Variants in APBB2 observed in about 807,000 individuals in gnomAD.
The protein encoded by APBB2 is Fe65-like 1.
Under a neutral mutation model 82.5 loss-of-function variants are expected in APBB2, and 38 were observed. The observed-to-expected ratio is 0.46, with a 90% CI of 0.36 to 0.60. The LOEUF (loss-of-function observed/expected upper bound fraction) is 0.60. Among genes scored for constraint, APBB2 ranks in the 20% least tolerant of loss-of-function variants. APBB2 has a pLI of 0.00. For synonymous variants in APBB2, 341 were observed against 368.2 expected, an observed-to-expected ratio of 0.93 and a Z score of 0.85; for missense variants, 772 against 972.3, an observed-to-expected ratio of 0.79 and a Z score of 2.74.
intron 12 of APBB2, among the ~76,000 whole-genome samples, chr4:40,861,325 G>C (rs1372888157): frequency 6.6e-6 from 1 of 151,596 alleles, no homozygotes; most frequent in African/African-American, 2.4e-5. Context: ...ACTCCAGCCT[G>C]GGTAACAGAA....
At chr4:40,838,893 CA>C (rs1754917385) in intron 12 of APBB2, among the ~76,000 whole-genome samples, 1 of 152,218 alleles carries the variant, frequency 6.6e-6, no homozygotes, top group Non-Finnish European at 1.5e-5. Flanking sequence ...AAGGCATCTA[CA>C]GACCTCTTAG....
At chr4:41,104,292 A>T (rs908793462) in intron 2 of APBB2, among the ~76,000 whole-genome samples, 1 of 152,210 alleles carries the variant, frequency 6.6e-6, no homozygotes, top group African/African-American at 2.4e-5. Flanking sequence ...CTTGCCAAAA[A>T]CAGTGACTCT....
chr4:40,929,208 A>C (rs962787821), intron 10 of APBB2, among the ~76,000 whole-genome samples: 6 of 152,114 alleles, frequency 3.9e-5, no homozygotes, highest in African/African-American at 1.4e-4. Context: ...TTTACTTTTA[A>C]AGTGCATAGA....
At chr4:40,830,822 G>A (rs144666814) in intron 12 of APBB2, among the ~76,000 whole-genome samples, 110 of 152,106 alleles carry the variant, frequency 7.2e-4, no homozygotes, top group Non-Finnish European at 1.1e-3. Flanking sequence ...TAATCCCAAC[G>A]TTTTGAGAGA....
intron 4 of APBB2, among the ~76,000 whole-genome samples, chr4:41,040,914 T>C (rs1721121330): frequency 1.3e-5 from 2 of 152,316 alleles, no homozygotes; most frequent in South Asian, 4.1e-4. Context: ...GGAGTCTCGC[T>C]CTGTCGCCCA....
At chr4:40,935,986 AT>A (rs146959880) in intron 7 of APBB2, among the ~76,000 whole-genome samples, 5,305 of 152,230 alleles carry the variant, frequency 0.035, 307 homozygotes, top group African/African-American at 0.12. Flanking sequence ...TTCATCTAAG[AT>A]TTGGGGAAAT....
At chr4:40,897,375 A>T (rs966115214) in intron 10 of APBB2, among the ~76,000 whole-genome samples, 3 of 152,288 alleles carry the variant, frequency 2.0e-5, no homozygotes, top group African/African-American at 7.2e-5. Context: ...GTGGTGGCAC[A>T]TGCCTGTAAT....
chr4:40,849,856 T>C (rs1241283462), intron 12 of APBB2, among the ~76,000 whole-genome samples: 2 of 149,126 alleles, frequency 1.3e-5, no homozygotes, highest in Non-Finnish European at 3.0e-5. Flanking sequence ...GCCTCTCGAG[T>C]AGCTGAGATT....
intron 2 of APBB2, among the ~76,000 whole-genome samples, chr4:41,114,676 T>A (rs1402399797): frequency 6.6e-6 from 1 of 152,038 alleles, no homozygotes; most frequent in East Asian, 1.9e-4. Flanking sequence ...TATACACCAA[T>A]AATAGACGAA....
At chr4:40,875,898 T>C (rs982418721) in intron 12 of APBB2, among the ~76,000 whole-genome samples, 4 of 152,242 alleles carry the variant, frequency 2.6e-5, no homozygotes, top group African/African-American at 9.6e-5. Context: ...TAGTATTTTC[T>C]CTTTTCCTCT....
intron 10 of APBB2, among the ~76,000 whole-genome samples, chr4:40,901,038 T>C (rs1775129300): frequency 6.6e-6 from 1 of 152,034 alleles, no homozygotes; most frequent in Admixed American, 6.6e-5. Flanking sequence ...GGTGCAACTA[T>C]GGGAGAAGGG....
chr4:40,922,632 A>C lies in APBB2; in HGVS notation c.1254+11824T>G, dbSNP rs1781542519. 2.0e-5 allele frequency among the ~76,000 whole-genome samples: 3 copies of C among 146,572 alleles called. No homozygotes were observed. In the South Asian group the frequency reaches 6.2e-4, roughly 30 times the overall value. On this transcript the variant is annotated intron_variant, in intron 10 of 17. Transcript: ENST00000508593. The stretch of plus-strand genomic sequence containing the variant: ...ATTATTTATTTACTTATTTTTTGAG[A>C]TAGGATCTGGTTCTGTTGGCCAGGC...
At chr4:40,904,080 G>A (rs1314483199) in intron 10 of APBB2, among the ~76,000 whole-genome samples, 4 of 151,706 alleles carry the variant, frequency 2.6e-5, no homozygotes, top group African/African-American at 7.3e-5. Flanking sequence ...AGACAGCAAC[G>A]GGTCTGATTT....
chr4:40,879,944 A>G (rs755810980), intron 12 of APBB2: 59 of 919,450 alleles, frequency 6.4e-5, no homozygotes, highest in Non-Finnish European at 7.4e-5. Flanking sequence ...TGCCCGCCTC[A>G]GCCTCTCAAA....
chr4:40,877,384 A>T (rs761562632), intron 12 of APBB2, among the ~76,000 whole-genome samples: 1 of 152,172 alleles, frequency 6.6e-6, no homozygotes, highest in Non-Finnish European at 1.5e-5. Context: ...TTTGGAGCTC[A>T]GATGCTGTTT....
At chr4:41,070,130 C>A (rs897021636) in intron 3 of APBB2, among the ~76,000 whole-genome samples, 3 of 152,124 alleles carry the variant, frequency 2.0e-5, no homozygotes, top group African/African-American at 7.2e-5. Flanking sequence ...CCTGCTGGGG[C>A]AGTAAGATAA....
At chr4:40,960,080 TG>T (rs1792672197) in intron 6 of APBB2, among the ~76,000 whole-genome samples, 1 of 152,176 alleles carries the variant, frequency 6.6e-6, no homozygotes, top group Non-Finnish European at 1.5e-5. Context: ...GGAGGTAAAT[TG>T]TTCAGCCTGT....
chr4:40,901,680 T>C (rs1468178007), intron 10 of APBB2, among the ~76,000 whole-genome samples: 1 of 152,116 alleles, frequency 6.6e-6, no homozygotes, highest in Non-Finnish European at 1.5e-5. Flanking sequence ...CAGCTAATTT[T>C]TGTATTTTTA....
rs1294817332 is a variant in APBB2 at position 40,883,349 on chromosome 4, G to A, written c.1529+7015C>T. 2.0e-5 allele frequency among the ~76,000 whole-genome samples: 3 copies of A among 152,128 alleles called. No individual in the cohort carries two copies. In the East Asian group the frequency reaches 5.8e-4, roughly 29 times the overall value. ...CACCAGTAATCCCAGCACTTTGGGA[G>A]GCCGAGGAGGGCAGATCACCTGATG... On this transcript the variant is annotated intron_variant, in intron 12 of 17. Coordinates refer to ENST00000508593, the MANE Select transcript of APBB2 (RefSeq NM_004307.2).
Sources: allele counts gnomAD v4.1 joint callset (sites outside exome capture counted in the v4.1 genomes callset), GRCh38; gene constraint gnomAD v4.1.1; transcripts MANE v1.5; gene names NCBI Gene and HGNC (gene_info 2026-07-23, HGNC 2026-07-21).